The following DRC5 variants were observed in gnomAD, a reference collection of about 807,000 sequenced individuals.
DRC5 encodes the protein dynein regulatory complex subunit 5, also known as T-complex-associated testis-expressed protein 1.
chr6:44,283,321 A>T, the DRC5 span, among the ~76,000 whole-genome samples: 1 of 151,920 alleles, frequency 6.6e-6, no homozygotes, highest in Admixed American at 6.6e-5. Flanking sequence ...GGGCAAGGAG[A>T]GGACCTCTTT....
the DRC5 span, chr6:44,287,201 G>A: frequency 1.0e-6 from 1 of 985,366 alleles, no homozygotes; most frequent in Non-Finnish European, 1.2e-6. Flanking sequence ...TGGCATGGAA[G>A]ACTCCATCAG....
chr6:44,296,645 TGGAGAAGTGGAGACACCCGGC>T, the DRC5 span, among the ~76,000 whole-genome samples: 1 of 41,150 alleles, frequency 2.4e-5, no homozygotes, highest in African/African-American at 5.4e-5. Flanking sequence ...TTCCTCTTAG[TGGAGAAGTGGAGACACCCGGC>T]CCTCTTTGGG....
the DRC5 span, among the ~76,000 whole-genome samples, chr6:44,281,303 A>T: frequency 6.6e-6 from 1 of 152,262 alleles, no homozygotes; most frequent in Non-Finnish European, 1.5e-5. Context: ...TTTAAAAAAT[A>T]CAATAGAATG....
chr6:44,286,240 C>G, the DRC5 span: 3 of 1,612,426 alleles, frequency 1.9e-6, no homozygotes, highest in Non-Finnish European at 2.5e-6. Context: ...CGACGTGGAC[C>G]CTGCGCACGT....
the DRC5 span, among the ~76,000 whole-genome samples, chr6:44,296,810 T>C: frequency 6.6e-6 from 1 of 152,190 alleles, no homozygotes; most frequent in Admixed American, 6.5e-5. Context: ...TTCTCAGGGC[T>C]CTGGGCTTTT....
the DRC5 span, among the ~76,000 whole-genome samples, chr6:44,290,046 A>C: frequency 6.6e-6 from 1 of 152,216 alleles, no homozygotes; most frequent in Non-Finnish European, 1.5e-5. Flanking sequence ...GGAGAGAGAT[A>C]GTGCGGGAAA....
At chr6:44,286,244 C>A in the DRC5 span, 1 of 1,612,460 alleles carries the variant, frequency 6.2e-7, no homozygotes, top group Non-Finnish European at 8.5e-7. Context: ...GTGGACCCTG[C>A]GCACGTAATT....
chr6:44,296,390 TC>T, the DRC5 span, among the ~76,000 whole-genome samples: 1 of 152,226 alleles, frequency 6.6e-6, no homozygotes, highest in Non-Finnish European at 1.5e-5. Context: ...ACTGCCTGCA[TC>T]CTTTGGAGGG....
the DRC5 span, chr6:44,287,413 G>T: frequency 9.9e-7 from 1 of 1,006,696 alleles, no homozygotes; most frequent in Non-Finnish European, 1.4e-6. Context: ...AGTGTTGAGT[G>T]GGTATGAGGA....
the DRC5 span, chr6:44,286,557 AG>A: frequency 3.3e-5 from 52 of 1,584,606 alleles, no homozygotes; most frequent in African/African-American, 6.4e-4. Flanking sequence ...GAAGGAGCGC[AG>A]GGGGTCACAG....
chr6:44,286,333 G>C, the DRC5 span: 1 of 1,613,798 alleles, frequency 6.2e-7, no homozygotes, highest in Admixed American at 1.7e-5. Flanking sequence ...GGTTCTCCAG[G>C]TGCCGCTCGA....
the DRC5 span, chr6:44,282,427 C>T: frequency 2.7e-5 from 43 of 1,613,928 alleles, no homozygotes; most frequent in Non-Finnish European, 3.3e-5. Context: ...AGCTTGGCAG[C>T]ACCTCGTGCA....
At chr6:44,283,954 T>C in the DRC5 span, among the ~76,000 whole-genome samples, 1 of 152,236 alleles carries the variant, frequency 6.6e-6, no homozygotes, top group African/African-American at 2.4e-5. Flanking sequence ...TATTGGTCTA[T>C]GAACCCGTGC....
At chr6:44,280,479 AAAC>A in the DRC5 span, 1 of 941,854 alleles carries the variant, frequency 1.1e-6, no homozygotes. Context: ...GATGTGACTA[AAAC>A]AAAAGTTTCA....
the DRC5 span, among the ~76,000 whole-genome samples, chr6:44,285,109 A>G: frequency 5.3e-5 from 8 of 152,100 alleles, no homozygotes; most frequent in African/African-American, 1.9e-4. Flanking sequence ...GCCTGTATGC[A>G]CTGCTCCCTC....
At chr6:44,286,470 G>A in the DRC5 span, 325 of 1,614,182 alleles carry the variant, frequency 2.0e-4, no homozygotes, top group Non-Finnish European at 2.7e-4. Context: ...GGTAGGTCAG[G>A]GGACAGGTGG....
chr6:44,278,978 C>T, the DRC5 span: 4 of 152,278 alleles, frequency 2.6e-5, no homozygotes, highest in Admixed American at 6.5e-5. Context: ...CAGGCACACA[C>T]ATGCAGTCAC....
At chr6:44,283,604 T>C in the DRC5 span, among the ~76,000 whole-genome samples, 1 of 152,194 alleles carries the variant, frequency 6.6e-6, no homozygotes, top group Non-Finnish European at 1.5e-5. Flanking sequence ...TCTCTTTTCA[T>C]TGCGTCTCTC....
At chr6:44,287,842 G>C in the DRC5 span, 13 of 1,608,594 alleles carry the variant, frequency 8.1e-6, no homozygotes, top group Non-Finnish European at 8.5e-6. Flanking sequence ...GGCTGGCAAG[G>C]TAGGGGTGCG....
Sources: allele counts gnomAD v4.1 joint callset (sites outside exome capture counted in the v4.1 genomes callset), GRCh38; gene constraint gnomAD v4.1.1; transcripts MANE v1.5; gene names NCBI Gene and HGNC (gene_info 2026-07-23, HGNC 2026-07-21).